ANAPC1: variants seen among roughly 807,000 people sequenced by gnomAD.
ANAPC1 encodes anaphase-promoting complex subunit 1.
A neutral mutation model predicts 208.0 loss-of-function variants in ANAPC1; 36 were observed. That is an observed-to-expected ratio of 0.17 (90% confidence interval 0.13 to 0.23). The LOEUF is 0.23. Among genes scored for constraint, ANAPC1 ranks in the 10% least tolerant of loss-of-function variants. The pLI, the probability that ANAPC1 is intolerant of heterozygous loss-of-function variation, is 1.00. For missense variants in ANAPC1, 942 were observed against 2,011.6 expected (o/e 0.47, Z 10.17); for synonymous variants, 378 against 695.2 (o/e 0.54, Z 7.18).
chr2:111,873,295 A>C lies in ANAPC1; in HGVS notation c.528+13T>G, dbSNP rs1682855851. The C allele has an allele frequency of 6.3e-7, 1 of 1,585,906 alleles. No homozygotes were observed. The highest frequency in any genetic ancestry group is 8.6e-7 in the Non-Finnish European group (1 of 1,169,278). On this transcript the variant is annotated intron_variant, in intron 5 of 47. Coordinates refer to ENST00000341068, the MANE Select transcript of ANAPC1 (RefSeq NM_022662.4). The stretch of plus-strand genomic sequence containing the variant: ...CCAACAAAACCCCCCCAAAATTTGA[A>C]ACACTTGTTTACCTGAAATGGTAAT...
In ANAPC1 at chr2:111,821,007, C is replaced by T. The variant is rs1446049949; in HGVS notation, c.3206+232G>A. 2.2e-4 allele frequency among the ~76,000 whole-genome samples: 32 copies of T among 147,236 alleles called. No individual in the cohort carries two copies. In the East Asian group the frequency reaches 3.5e-3, roughly 16 times the overall value. On this transcript the variant is annotated intron_variant, in intron 26 of 47. Coordinates refer to ENST00000341068, the MANE Select transcript of ANAPC1 (RefSeq NM_022662.4). The stretch of plus-strand genomic sequence containing the variant: ...TGTTATATGTATTTCAAGAGGAGGA[C>T]GATATGAAATACAACAATTACGTCC...
intron 47 of ANAPC1, among the ~76,000 whole-genome samples, chr2:111,769,948 C>T (rs1293481534): frequency 6.6e-6 from 1 of 151,910 alleles, no homozygotes; most frequent in African/African-American, 2.4e-5. Context: ...TCCCAAAGTG[C>T]TGGGATTACA....
intron 14 of ANAPC1, among the ~76,000 whole-genome samples, chr2:111,848,648 G>A (rs1311172773): frequency 6.6e-6 from 1 of 151,682 alleles, no homozygotes; most frequent in Non-Finnish European, 1.5e-5. Flanking sequence ...GTGGTGGCGG[G>A]TGCCTGTAGT....
chr2:111,830,984 T>A (rs1680096323), intron 21 of ANAPC1, among the ~76,000 whole-genome samples: 1 of 152,116 alleles, frequency 6.6e-6, no homozygotes, highest in Non-Finnish European at 1.5e-5. Flanking sequence ...AAAACTGAAA[T>A]CAACCCAACT....
chr2:111,859,478 T>C (rs1410409265), intron 10 of ANAPC1, among the ~76,000 whole-genome samples: 2 of 151,688 alleles, frequency 1.3e-5, no homozygotes, highest in Admixed American at 6.6e-5. Context: ...TCTCAATAAA[T>C]AAATAAATAA....
At chr2:111,870,068 G>C (rs1471965772) in intron 6 of ANAPC1, among the ~76,000 whole-genome samples, 1 of 152,166 alleles carries the variant, frequency 6.6e-6, no homozygotes, top group Non-Finnish European at 1.5e-5. Context: ...CGTTATGGCT[G>C]ATTAGTATTC....
At chr2:111,862,619 A>G in intron 9 of ANAPC1, 21 bp from the exon 10 acceptor site, 2 of 1,605,118 alleles carry the variant, frequency 1.2e-6, no homozygotes, top group Non-Finnish European at 1.7e-6. Flanking sequence ...AACAGAGGAG[A>G]GAGTACATCA....
At chr2:111,873,457 A>T in intron 4 of ANAPC1, 49 bp from the exon 5 acceptor site, 1 of 1,585,614 alleles carries the variant, frequency 6.3e-7, no homozygotes. Flanking sequence ...CCCTCAAAGG[A>T]GTTCAATCCT....
Position 111,847,788 on chromosome 2 carries a change from A to G in ANAPC1, c.1728T>C (p.Thr576=), listed in dbSNP as rs1469960784. The change falls in exon 15 of 48, where the codon ACT becomes ACC. Residue 576 remains threonine (T), a synonymous_variant. Transcript: ENST00000341068. ...GAATGTAAGTTCCAAGCTGTTGGAA[A>G]GTACAATCCTCATTATAGAGAGAAT... ...LHDSLYNEDC[T]FQQLGTYIHS... 6.2e-7 allele frequency: 1 copy of G among 1,607,914 alleles called. No individual in the cohort carries two copies. The highest frequency in any genetic ancestry group is 1.3e-5 in the African/African-American group (1 of 74,682).
At chr2:111,787,612 G>T (rs1677634739) in intron 39 of ANAPC1, among the ~76,000 whole-genome samples, 1 of 152,160 alleles carries the variant, frequency 6.6e-6, no homozygotes, top group Non-Finnish European at 1.5e-5. Context: ...GCCCCCATAT[G>T]CAAGAGATCT....
Position 111,845,350 on chromosome 2 carries a change from C to T in ANAPC1, c.1853-1751G>A, listed in dbSNP as rs991809646. Among the ~76,000 whole-genome samples the T allele has an allele frequency of 2.5e-4, 38 of 152,182 alleles. 1 individual carries two copies. The highest frequency in any genetic ancestry group is 8.9e-4 in the African/African-American group (37 of 41,434). On this transcript the variant is annotated intron_variant, in intron 16 of 47. Coordinates refer to ENST00000341068, the MANE Select transcript of ANAPC1 (RefSeq NM_022662.4). ...CCTTTCCACTGTCATGCCACTGGGC[C>T]CACCCTCATCAACATATCCTCTATC...
At chr2:111,836,189 TATA>T (rs1226705210) in intron 18 of ANAPC1, among the ~76,000 whole-genome samples, 2 of 151,950 alleles carry the variant, frequency 1.3e-5, no homozygotes, top group Non-Finnish European at 2.9e-5. Flanking sequence ...CTGGTCTTAC[TATA>T]ATATGTTGTC....
chr2:111,842,719 A>C (rs1680836507), intron 17 of ANAPC1, among the ~76,000 whole-genome samples: 1 of 152,098 alleles, frequency 6.6e-6, no homozygotes, highest in East Asian at 1.9e-4. Context: ...TACCTGGAAA[A>C]GGGGTAATTA....
chr2:111,799,940 C>G (rs1573352166), intron 34 of ANAPC1, among the ~76,000 whole-genome samples: 1 of 103,608 alleles, frequency 9.7e-6, no homozygotes, highest in Admixed American at 1.0e-4. Flanking sequence ...ATGTGTTAGT[C>G]AAATCTTATC....
intron 28 of ANAPC1, among the ~76,000 whole-genome samples, chr2:111,815,145 G>GAA (rs1679169781): frequency 2.0e-5 from 2 of 100,942 alleles, no homozygotes; most frequent in South Asian, 3.8e-4. Context: ...CCTTACTCAA[G>GAA]GAAAAAAAAA....
At chr2:111,833,392 C>G in intron 19 of ANAPC1, 81 bp from the exon 20 acceptor site, 2 of 1,403,518 alleles carry the variant, frequency 1.4e-6, no homozygotes, top group Non-Finnish European at 9.4e-7. Flanking sequence ...TTAGTTGAAT[C>G]TTTTAATTTA....
At chr2:111,883,460 C>T (rs925725194) in intron 1 of ANAPC1, among the ~76,000 whole-genome samples, 2 of 150,692 alleles carry the variant, frequency 1.3e-5, no homozygotes, top group Non-Finnish European at 2.9e-5. Flanking sequence ...TAAACAGCTA[C>T]ACGTAAAAAT....
chr2:111,799,429 C>T (rs1365082408), intron 34 of ANAPC1, among the ~76,000 whole-genome samples: 1 of 152,196 alleles, frequency 6.6e-6, no homozygotes, highest in African/African-American at 2.4e-5. Flanking sequence ...TACCCTATGC[C>T]TCAGTAATTC....
At chr2:111,870,744 T>C (rs1682702263) in intron 6 of ANAPC1, among the ~76,000 whole-genome samples, 2 of 152,202 alleles carry the variant, frequency 1.3e-5, no homozygotes, top group Admixed American at 1.3e-4. Context: ...TTGCTTCTGG[T>C]GTTTTAGTCA....
Sources: gnomAD v4.1 joint callset for allele counts (sites outside exome capture counted in the v4.1 genomes callset) on GRCh38, gnomAD v4.1.1 for gene constraint, MANE v1.5 for transcripts, NCBI Gene and HGNC (gene_info 2026-07-23, HGNC 2026-07-21) for gene names.